Variants in GPR143 observed in about 807,000 individuals in gnomAD.
GPR143 encodes G protein-coupled receptor 143, also known as G-protein coupled receptor 143.
A neutral mutation model predicts 27.6 loss-of-function variants in GPR143; 8 were observed. The observed-to-expected ratio is 0.29, with a 90% CI of 0.17 to 0.52. The LOEUF (loss-of-function observed/expected upper bound fraction) is 0.52, where lower values mean the gene tolerates loss of function less well. Among genes scored for constraint, GPR143 ranks in the 20% least tolerant of loss-of-function variants. The pLI, the probability that GPR143 is intolerant of heterozygous loss-of-function variation, is 0.96. For missense variants in GPR143, 303 were observed against 343.1 expected (o/e 0.88, Z 0.92); for synonymous variants, 156 against 153.2 (o/e 1.02, Z -0.13).
chrX:9,745,768 G>A (rs1358704750), intron 5 of GPR143, among the ~76,000 whole-genome samples: 1 of 111,749 alleles, frequency 8.9e-6, no homozygotes, highest in Middle Eastern at 4.6e-3. Context: ...TCCTGCAGCC[G>A]ACCCAGGAGA....
intron 1 of GPR143, among the ~76,000 whole-genome samples, chrX:9,774,616 T>C (rs1199363196): frequency 2.2e-5 from 2 of 89,467 alleles, no homozygotes; most frequent in African/African-American, 8.3e-5. Flanking sequence ...AAATCTTTAA[T>C]GGACGGAAGG....
chrX:9,748,649 T>A lies in GPR143; in HGVS notation c.473A>T (p.His158Leu). Residue 158 changes from histidine to leucine, a missense_variant, in exon 4 of 9, where the codon CAC becomes CTC. His to Leu is a moderately conservative substitution (Grantham distance 99). Coordinates refer to ENST00000467482, the MANE Select transcript of GPR143 (RefSeq NM_000273.3). ...GGTGGCCAGGCCCCACGCCATGATGTGATACAGCAGGATGGTGCTAGGGGA... is the reference window on the plus strand; with the variant it reads ...GGTGGCCAGGCCCCACGCCATGATGAGATACAGCAGGATGGTGCTAGGGGA... ...SAGLSTILLYHIMAWGLATLL... is the reference protein window; with the variant it reads ...SAGLSTILLYLIMAWGLATLL... 8.3e-7 allele frequency: 1 copy of A among 1,201,310 alleles called. No individual in the cohort carries two copies. The highest frequency in any genetic ancestry group is 1.1e-6 in the Non-Finnish European group (1 of 886,290).
At chrX:9,727,650 C>T (rs930295732) in intron 8 of GPR143, among the ~76,000 whole-genome samples, 3 of 112,841 alleles carry the variant, frequency 2.7e-5, no homozygotes, top group African/African-American at 9.6e-5. Context: ...TCTTCCAATC[C>T]CCAAATATCC....
At chrX:9,733,314 AAC>A (rs1297575783) in intron 8 of GPR143, among the ~76,000 whole-genome samples, 12 of 111,382 alleles carry the variant, frequency 1.1e-4, no homozygotes, top group Non-Finnish European at 1.7e-4. Flanking sequence ...CTATGGGAGA[AAC>A]ACAGAATTGC....
chrX:9,731,635 C>T (rs1015583911), intron 8 of GPR143, among the ~76,000 whole-genome samples: 3 of 110,479 alleles, frequency 2.7e-5, no homozygotes, highest in Non-Finnish European at 5.7e-5. Flanking sequence ...GAATGAGGCA[C>T]TATGGGACAG....
chrX:9,747,639 G>A (rs1253628127), intron 4 of GPR143, among the ~76,000 whole-genome samples: 3 of 111,678 alleles, frequency 2.7e-5, no homozygotes, highest in African/African-American at 6.5e-5. Flanking sequence ...CTGAGTAGCC[G>A]CAAGAAGCAA....
intron 5 of GPR143, among the ~76,000 whole-genome samples, chrX:9,745,739 C>T (rs986088721): frequency 8.9e-6 from 1 of 111,870 alleles, no homozygotes; most frequent in African/African-American, 3.3e-5. Flanking sequence ...CTCACACCTC[C>T]ACAGTCGTCC....
chrX:9,774,296 G>A (rs1249943600), intron 1 of GPR143, among the ~76,000 whole-genome samples: 1 of 112,584 alleles, frequency 8.9e-6, no homozygotes, highest in Non-Finnish European at 1.9e-5. Flanking sequence ...TCCCTTGTGG[G>A]CTGTCTCCAA....
At chrX:9,760,934 G>A (rs2083496193) in intron 1 of GPR143, 108 bp from the exon 2 acceptor site, 1 of 476,148 alleles carries the variant, frequency 2.1e-6, no homozygotes. Flanking sequence ...TAGGAAGAGA[G>A]GAAGGAAGAA....
intron 5 of GPR143, among the ~76,000 whole-genome samples, chrX:9,745,043 G>A (rs982001533): frequency 3.6e-5 from 4 of 112,116 alleles, no homozygotes; most frequent in African/African-American, 1.3e-4. Context: ...CCCGAGGTCA[G>A]GAGTTTAAGA....
intron 4 of GPR143, among the ~76,000 whole-genome samples, chrX:9,747,647 C>T (rs189785361): frequency 4.3e-4 from 48 of 110,813 alleles, no homozygotes; most frequent in African/African-American, 1.4e-3. Flanking sequence ...CCGCAAGAAG[C>T]AAGAGAAGAG....
At chrX:9,764,890 G>A (rs906890760) in intron 1 of GPR143, among the ~76,000 whole-genome samples, 10 of 109,524 alleles carry the variant, frequency 9.1e-5, no homozygotes, top group Non-Finnish European at 1.7e-4. Context: ...AGTCGGGCAT[G>A]GTGGCGCGCG....
At position 9,765,602 on chromosome X, in the gene GPR143, G is replaced by A. The variant is rs1455498757; in HGVS notation, c.216C>T (p.Arg72=). 6 of 1,040,963 alleles carry A rather than the reference G, an allele frequency of 5.8e-6. No individual in the cohort carries two copies. The highest frequency in any genetic ancestry group is 3.9e-5 in the African/African-American group (2 of 51,323). The allele number at this position is 1,040,963 out of a possible 1,213,427, so 85.8% of individuals were successfully genotyped here. The change falls in exon 1 of 9, where the codon CGC becomes CGT. Residue 72 remains arginine, a synonymous_variant. Coordinates refer to ENST00000467482, the MANE Select transcript of GPR143 (RefSeq NM_000273.3). Reference sequence around the variant, plus strand: ...CGAGAAGGTCGCAGGCAGCGGCAGCGCGCAGGATGCGGACCGAGGCCGGCG... The same window carrying A: ...CGAGAAGGTCGCAGGCAGCGGCAGCACGCAGGATGCGGACCGAGGCCGGCG... ...TSPPASVRIL[R]AAAACDLLGC...
chrX:9,770,535 C>T (rs1354406857), upstream of GPR143, among the ~76,000 whole-genome samples: 1 of 110,031 alleles, frequency 9.1e-6, no homozygotes, highest in African/African-American at 3.3e-5. Flanking sequence ...AGGATTAACA[C>T]TTAGTGGGGC....
At chrX:9,740,753 CTTTTTTTTTTT>C in intron 7 of GPR143, 4 of 260,214 alleles carry the variant, frequency 1.5e-5, no homozygotes, top group Non-Finnish European at 2.6e-5. Flanking sequence ...TTCTTTCTTT[CTTTTTTTTTTT>C]TTTTTTTGGA....
upstream of GPR143, chrX:9,766,052 T>A: frequency 1.5e-5 from 4 of 269,934 alleles, no homozygotes; most frequent in Non-Finnish European, 2.6e-5. Context: ...GAGGGAGGGC[T>A]GAGAGGAGAG....
chrX:9,748,568 A>G lies in GPR143; in HGVS notation c.548+6T>C. 8.5e-7 allele frequency: 1 copy of G among 1,177,889 alleles called. No individual in the cohort carries two copies. Among genetic ancestry groups the G allele is most frequent in the Non-Finnish European group, 1.2e-6 (1 of 864,420 alleles). ...GGCTGCCTGGGGCGCTGGAGTCCCA[A>G]CTTACCTGGACACGGAAGGGTAGTA... On this transcript the variant is annotated splice_donor_region_variant and intron_variant, in intron 4 of 8. Transcript: ENST00000467482.
At chrX:9,757,734 A>T (rs966394468) in intron 3 of GPR143, among the ~76,000 whole-genome samples, 3 of 110,855 alleles carry the variant, frequency 2.7e-5, no homozygotes, top group African/African-American at 9.9e-5. Context: ...TAAACAGGTG[A>T]CCTTTATAAA....
intron 8 of GPR143, among the ~76,000 whole-genome samples, chrX:9,728,908 C>T (rs374918115): frequency 7.2e-5 from 8 of 110,988 alleles, no homozygotes; most frequent in East Asian, 5.7e-4. Flanking sequence ...TGGGAGGACA[C>T]GACACTCAGA....
Sources: gnomAD v4.1 joint callset for allele counts (sites outside exome capture counted in the v4.1 genomes callset) on GRCh38, gnomAD v4.1.1 for gene constraint, MANE v1.5 for transcripts, NCBI Gene and HGNC (gene_info 2026-07-23, HGNC 2026-07-21) for gene names.